The following ARHGAP4 variants were observed in gnomAD, a reference collection of about 807,000 sequenced individuals.
ARHGAP4 encodes the protein rho GTPase-activating protein 4.
In ARHGAP4, 25 loss-of-function variants were observed where a neutral mutation model predicts 67.6. The ratio of observed to expected loss-of-function variants is 0.37; its 90% CI spans 0.27 to 0.52. ARHGAP4 has a LOEUF of 0.52. ARHGAP4 is among the 20% of genes least tolerant of loss of function. The pLI is 0.92. For synonymous variants in ARHGAP4, 448 were observed against 373.7 expected, an observed-to-expected ratio of 1.20 and a Z score of -2.29; for missense variants, 804 against 854.6, an observed-to-expected ratio of 0.94 and a Z score of 0.74.
At chrX:153,913,634 T>G in intron 8 of ARHGAP4, 34 bp from the exon 9 acceptor site, 1 of 1,183,681 alleles carries the variant, frequency 8.4e-7, no homozygotes, top group Non-Finnish European at 1.1e-6. Context: ...TGGTAAGAGG[T>G]GGGGGACAGG....
chrX:153,910,940 G>A lies in ARHGAP4; in HGVS notation c.1663C>T (p.Arg555Cys), dbSNP rs782809170. 2.3e-5 allele frequency: 23 copies of A among 992,372 alleles called. No individual in the cohort carries two copies. The highest frequency in any genetic ancestry group is 6.0e-5 in the South Asian group (3 of 49,900). 81.8% of individuals were successfully genotyped at this position (992,372 alleles called of 1,213,427 possible). ...SGAQLRVSEI[R>C]DAFERGEDPL... The stretch of plus-strand genomic sequence containing the variant: ...TCCCCACCTCTCTCGAAGGCATCAC[G>A]GATCTCTGAGACCCGGAGCTGGGCA... Residue 555 changes from arginine to cysteine, a missense_variant, in exon 14 of 22, where the codon CGT becomes TGT. Coordinates refer to ENST00000350060, the MANE Select transcript of ARHGAP4 (RefSeq NM_001666.5).
At chrX:153,911,252 CTTTTTTT>C (rs10710691) in intron 12 of ARHGAP4, 63 bp from the exon 13 acceptor site, 170 of 421,926 alleles carry the variant, frequency 4.0e-4, no homozygotes, top group East Asian at 4.6e-4. Flanking sequence ...CATTCAATTG[CTTTTTTT>C]TTTTTTTTTT....
intron 21 of ARHGAP4, 93 bp from the exon 22 acceptor site, chrX:153,908,055 A>G: frequency 1.3e-6 from 1 of 793,645 alleles, no homozygotes; most frequent in Non-Finnish European, 1.7e-6. Flanking sequence ...TCCCAAAGCA[A>G]GCCCTCAGCC....
chrX:153,910,889 G>GCCCCCCCCCCCCCCCCCCC, intron 14 of ARHGAP4, 33 bp downstream of exon 14: 8 of 1,147,426 alleles, frequency 7.0e-6, no homozygotes, highest in South Asian at 2.0e-5. Context: ...ATCTGCCCGA[G>GCCCCCCCCCCCCCCCCCCC]CCCCCACCCC....
intron 1 of ARHGAP4, among the ~76,000 whole-genome samples, chrX:153,924,366 C>T (rs2269368): frequency 0.3 from 33,496 of 110,743 alleles, 5,082 homozygotes; most frequent in East Asian, 0.66. Context: ...AATTGCAAGT[C>T]GATTGCATTG....
At position 153,919,173 on chromosome X, in the gene ARHGAP4, G is replaced by A. The variant is rs1557104716; in HGVS notation, c.792C>T (p.Asp264=). The A allele has an allele frequency of 6.6e-6, 8 of 1,210,844 alleles. No homozygotes were observed. Among genetic ancestry groups the A allele is most frequent in the African/African-American group, 5.2e-5 (3 of 57,447 alleles). The change falls in exon 6 of 22, where the codon GAC becomes GAT. Residue 264 remains aspartate, a synonymous_variant. Transcript: ENST00000350060. ...GACTCACGTCCATGAGGTCCAAGACGTCATGCAGGTAGTAGTTACTGACAG... is the reference window on the plus strand; with the variant it reads ...GACTCACGTCCATGAGGTCCAAGACATCATGCAGGTAGTAGTTACTGACAG... ...NAAVSNYYLH[D]VLDLMDCCDT...
In ARHGAP4 at chrX:153,921,798, G is replaced by T. The variant is rs782309656; in HGVS notation, c.79C>A (p.Gln27Lys). ...AGGCAGCGCAGCTGCTCGCTCAGCT[G>T]CCAGCGCATCTCTGTGGGGGGAACC... ...YETQVKEMRW[Q>K]LSEQLRCLEL... Residue 27 changes from glutamine (Q) to lysine (K), a missense_variant, in exon 2 of 22, where the codon CAG becomes AAG. Coordinates refer to ENST00000350060, the MANE Select transcript of ARHGAP4 (RefSeq NM_001666.5). 1.1e-5 allele frequency: 13 copies of T among 1,184,811 alleles called. No individual in the cohort carries two copies. The highest frequency in any genetic ancestry group is 7.0e-5 in the Admixed American group (3 of 43,061).
chrX:153,912,667 C>T (rs2065029069), intron 12 of ARHGAP4, 33 bp downstream of exon 12: 3 of 1,129,402 alleles, frequency 2.7e-6, no homozygotes, highest in African/African-American at 3.6e-5. Flanking sequence ...TCAGCATGTA[C>T]AGGTGGGCTG....
At position 153,909,155 on chromosome X, in the gene ARHGAP4, G is replaced by C. The variant is rs781828828; in HGVS notation, c.2522C>G (p.Thr841Ser). The change falls in exon 21 of 22, where the codon ACC becomes AGC. Residue 841 changes from threonine (T) to serine (S), a missense_variant. By Grantham distance (58) the Thr-to-Ser change is moderately conservative. Transcript: ENST00000350060. ...AGAGGGTCCCATGGCCTCAGGTGAG[G>C]TGCATGGCTCTGGCCTGCAGGACAG... Reference protein sequence around the residue: ...SELVHRPEPCTSPEAMGPSGH... With the variant: ...SELVHRPEPCSSPEAMGPSGH... 8.3e-7 allele frequency: 1 copy of C among 1,209,246 alleles called. No homozygotes were observed. Among genetic ancestry groups the C allele is most frequent in the Non-Finnish European group, 1.1e-6 (1 of 894,460 alleles).
chrX:153,908,669 C>T (rs1261800343), intron 21 of ARHGAP4, among the ~76,000 whole-genome samples: 7 of 108,800 alleles, frequency 6.4e-5, no homozygotes, highest in South Asian at 4.1e-4. Context: ...GCGTGCCAAG[C>T]GCCTGCCATG....
chrX:153,908,073 C>A, intron 21 of ARHGAP4, 111 bp from the exon 22 acceptor site: 1 of 625,001 alleles, frequency 1.6e-6, no homozygotes, highest in East Asian at 4.3e-5. Flanking sequence ...GCCAACATCC[C>A]CAGTCCCTCA....
rs147390175 is a variant in ARHGAP4 at position 153,920,764 on chromosome X, G to A, written c.543C>T (p.Ala181=). 128 of 1,210,990 alleles carry A rather than the reference G, an allele frequency of 1.1e-4. No individual in the cohort carries two copies. The highest frequency in any genetic ancestry group is 1.3e-4 in the Non-Finnish European group (114 of 895,388). Residue 181 remains alanine, a synonymous_variant, in exon 5 of 22, where the codon GCC becomes GCT. Coordinates refer to ENST00000350060, the MANE Select transcript of ARHGAP4 (RefSeq NM_001666.5). ...YQAYHMESVN[A]EAKLREAERQ... The stretch of plus-strand genomic sequence containing the variant: ...GCTCGGCCTCCCGGAGCTTGGCCTC[G>A]GCATTCACGCTCTCCATGTGATATG...
At chrX:153,919,871 C>T (rs892260579) in intron 5 of ARHGAP4, among the ~76,000 whole-genome samples, 6 of 110,086 alleles carry the variant, frequency 5.5e-5, no homozygotes, top group African/African-American at 2.0e-4. Context: ...ACTGCAACCT[C>T]CGCCTGCTGT....
At chrX:153,908,458 G>T (rs1246216235) in intron 21 of ARHGAP4, among the ~76,000 whole-genome samples, 1 of 112,126 alleles carries the variant, frequency 8.9e-6, no homozygotes, top group Non-Finnish European at 1.9e-5. Context: ...CAACTGTCCC[G>T]CGGGCTTCCA....
At chrX:153,909,709 A>G (rs1393206337) in intron 19 of ARHGAP4, 32 bp downstream of exon 19, 6 of 1,157,278 alleles carry the variant, frequency 5.2e-6, no homozygotes, top group Non-Finnish European at 6.9e-6. Flanking sequence ...AGACTCCGGG[A>G]GCCCTGGGGC....
chrX:153,910,813 C>T lies in ARHGAP4; in HGVS notation c.1703G>A (p.Gly568Asp), dbSNP rs2065015054. The change falls in exon 15 of 22, where the codon GGC becomes GAC. Residue 568 changes from glycine to aspartate, a missense_variant. Gly to Asp is a moderately conservative substitution (Grantham distance 94). Around this residue, in one of 2 missense-constraint regions of ARHGAP4, gnomAD observed 404 missense variants for 505.9 expected, o/e 0.80. Coordinates refer to ENST00000350060, the MANE Select transcript of ARHGAP4 (RefSeq NM_001666.5). ...CGAGTCCAGGTCATGGGCAGTGCAG[C>T]CCTCCACCAGTGGGTCCTCCCCTGC... ...FERGEDPLVE[G>D]CTAHDLDSVA... The T allele has an allele frequency of 1.7e-6, 2 of 1,191,680 alleles. No individual in the cohort carries two copies. The highest frequency in any genetic ancestry group is 6.0e-5 in the East Asian group (2 of 33,311).
At chrX:153,921,294 CCCTCCCAGCCACAGTG>C (rs2065092124) in intron 3 of ARHGAP4, 55 bp downstream of exon 3, 6 of 1,197,576 alleles carry the variant, frequency 5.0e-6, no homozygotes, top group Non-Finnish European at 6.8e-6. Flanking sequence ...GCCTCCAGTG[CCCTCCCAGCCACAGTG>C]CCTCCTGATC....
At chrX:153,924,574 C>T (rs782718465) in intron 1 of ARHGAP4, among the ~76,000 whole-genome samples, 107 of 111,742 alleles carry the variant, frequency 9.6e-4, no homozygotes, top group Non-Finnish European at 1.7e-3. Flanking sequence ...CATGTGAGGG[C>T]GGGGTGGCCA....
chrX:153,912,583 A>C (rs960671710), intron 12 of ARHGAP4, 117 bp downstream of exon 12: 1 of 618,517 alleles, frequency 1.6e-6, no homozygotes, highest in Admixed American at 3.0e-5. Context: ...ACAGTTGATG[A>C]CTGATTGAGA....
Sources: gnomAD v4.1 joint callset for allele counts (sites outside exome capture counted in the v4.1 genomes callset) on GRCh38, gnomAD v4.1.1 for gene constraint, gnomAD v4.1.1 regional missense constraint, MANE v1.5 for transcripts, NCBI Gene and HGNC (gene_info 2026-07-23, HGNC 2026-07-21) for gene names.